GABRB2: variants seen among roughly 807,000 people sequenced by gnomAD.
GABRB2 encodes gamma-aminobutyric acid type A receptor subunit beta2, also known as gamma-aminobutyric acid receptor subunit beta-2.
In GABRB2, 16 loss-of-function variants were observed where a neutral mutation model predicts 54.7. The observed-to-expected ratio is 0.29, with a 90% CI of 0.20 to 0.44. The LOEUF (loss-of-function observed/expected upper bound fraction) is 0.44. Among genes scored for constraint, GABRB2 ranks in the 20% least tolerant of loss-of-function variants. The pLI is 1.00. For missense variants in GABRB2, 355 were observed against 644.0 expected (o/e 0.55, Z 4.86); for synonymous variants, 244 against 233.8 (o/e 1.04, Z -0.40).
At chr5:161,301,214 T>C (rs1757528284) in intron 9 of GABRB2, among the ~76,000 whole-genome samples, 1 of 152,166 alleles carries the variant, frequency 6.6e-6, no homozygotes, top group Non-Finnish European at 1.5e-5. Flanking sequence ...GAGTTCTGTC[T>C]TGGTGTGCCT....
At chr5:161,483,271 T>G (rs1392878597) in intron 3 of GABRB2, among the ~76,000 whole-genome samples, 2 of 152,056 alleles carry the variant, frequency 1.3e-5, no homozygotes, top group Non-Finnish European at 2.9e-5. Flanking sequence ...TTCCTCCATT[T>G]GTTCTTATTT....
intron 3 of GABRB2, among the ~76,000 whole-genome samples, chr5:161,536,240 C>A (rs546929470): frequency 2.0e-5 from 3 of 151,736 alleles, no homozygotes; most frequent in African/African-American, 4.8e-5. Context: ...GAGCGCTGTA[C>A]GAAAGTTCAG....
intron 5 of GABRB2, among the ~76,000 whole-genome samples, chr5:161,346,702 G>C (rs563803025): frequency 6.6e-6 from 1 of 152,090 alleles, no homozygotes; most frequent in African/African-American, 2.4e-5. Flanking sequence ...TACTGTTAGC[G>C]TGTATCTTGA....
chr5:161,310,663 GCACGCGCA>G, intron 9 of GABRB2, among the ~76,000 whole-genome samples: 1 of 134,696 alleles, frequency 7.4e-6, no homozygotes, highest in Non-Finnish European at 1.5e-5. Context: ...ACATGCACAC[GCACGCGCA>G]CGCGCGCACA....
At position 161,289,696 on chromosome 5, in the gene GABRB2, C is replaced by G. The variant is rs987445752; in HGVS notation, c.*4385G>C. On this transcript the variant is annotated 3_prime_UTR_variant, in exon 10 of 10. Transcript: ENST00000393959. ...TCCCAATTGCCATTTCAAAGGCTAT[C>G]TCTTGTTTGTTATATTGACTACATA... 6.6e-6 allele frequency: 1 copy of G among 151,968 alleles called. No individual in the cohort carries two copies. The highest frequency in any genetic ancestry group is 1.5e-5 in the Non-Finnish European group (1 of 67,978). The allele number at this position is 151,968 out of a possible 1,614,324, so 9.4% of individuals were successfully genotyped here.
chr5:161,385,947 G>GGT (rs70990781), intron 5 of GABRB2, among the ~76,000 whole-genome samples: 12,968 of 93,238 alleles, frequency 0.14, 796 homozygotes, highest in South Asian at 0.22. Context: ...CCTATTGTCT[G>GGT]GTGTGTGTGT....
At chr5:161,498,382 T>C (rs761571224) in intron 3 of GABRB2, among the ~76,000 whole-genome samples, 15 of 151,926 alleles carry the variant, frequency 9.9e-5, no homozygotes, top group Non-Finnish European at 1.8e-4. Context: ...TAAAATGGCA[T>C]AATGCATTTC....
At chr5:161,375,465 C>T (rs1755266589) in intron 5 of GABRB2, among the ~76,000 whole-genome samples, 1 of 152,148 alleles carries the variant, frequency 6.6e-6, no homozygotes, top group African/African-American at 2.4e-5. Flanking sequence ...CTCTGCATTT[C>T]CTACTTCTCT....
At chr5:161,485,661 T>C (rs1055853382) in intron 3 of GABRB2, among the ~76,000 whole-genome samples, 2 of 151,924 alleles carry the variant, frequency 1.3e-5, no homozygotes, top group African/African-American at 4.8e-5. Context: ...GTCATTCAGA[T>C]GGTACTGACC....
At chr5:161,532,426 C>T (rs922222575) in intron 3 of GABRB2, among the ~76,000 whole-genome samples, 4 of 152,172 alleles carry the variant, frequency 2.6e-5, no homozygotes, top group African/African-American at 9.6e-5. Context: ...CCTAAAACAG[C>T]GATCCTCCCA....
At chr5:161,313,592 T>A (rs551821224) in intron 9 of GABRB2, among the ~76,000 whole-genome samples, 2 of 151,804 alleles carry the variant, frequency 1.3e-5, no homozygotes, top group Non-Finnish European at 2.9e-5. Flanking sequence ...GAAATAGATC[T>A]TAGGAAAATG....
rs202028432 is a variant in GABRB2 at position 161,546,432 on chromosome 5, A to G, written c.78-19T>C. ...ATTGACACTAAAGAAAGAAATGACAATAAGCAGGCATCAATAAGGAAGCAG... is the reference window on the plus strand; with the variant it reads ...ATTGACACTAAAGAAAGAAATGACAGTAAGCAGGCATCAATAAGGAAGCAG... On this transcript the variant is annotated intron_variant, in intron 1 of 9. Coordinates refer to ENST00000393959, the MANE Select transcript of GABRB2 (RefSeq NM_001371727.1). The G allele has an allele frequency of 8.1e-6, 13 of 1,605,838 alleles. No individual in the cohort carries two copies. The African/African-American group carries it at 1.3e-4, about 16-fold the overall frequency.
intron 7 of GABRB2, among the ~76,000 whole-genome samples, chr5:161,333,888 C>A (rs1230043063): frequency 6.6e-6 from 1 of 152,132 alleles, no homozygotes; most frequent in Admixed American, 6.5e-5. Flanking sequence ...TGCTTTATAT[C>A]CCTCTATAGA....
At chr5:161,513,595 T>C (rs1375202388) in intron 3 of GABRB2, among the ~76,000 whole-genome samples, 1 of 151,910 alleles carries the variant, frequency 6.6e-6, no homozygotes, top group Non-Finnish European at 1.5e-5. Context: ...CTCATGGACA[T>C]ACAGATGGCA....
intron 5 of GABRB2, among the ~76,000 whole-genome samples, chr5:161,404,349 GC>G (rs2113092011): frequency 6.6e-6 from 1 of 152,110 alleles, no homozygotes; most frequent in African/African-American, 2.4e-5. Context: ...AGTGTGCTTT[GC>G]TTTTTTTTCA....
At chr5:161,374,136 G>T (rs1755214970) in intron 5 of GABRB2, among the ~76,000 whole-genome samples, 1 of 151,990 alleles carries the variant, frequency 6.6e-6, no homozygotes, top group East Asian at 1.9e-4. Context: ...TAGAGACGGG[G>T]TTTCTCCATG....
rs531018946 is a variant in GABRB2 at position 161,445,125 on chromosome 5, G to T, written c.458+14499C>A. On this transcript the variant is annotated intron_variant, in intron 4 of 9. Coordinates refer to ENST00000393959, the MANE Select transcript of GABRB2 (RefSeq NM_001371727.1). ...GATGTGCACTCCTCAAGATGCTGGGGTATAAACAGTTGGGGAAAAAGCAGA... is the reference window on the plus strand; with the variant it reads ...GATGTGCACTCCTCAAGATGCTGGGTTATAAACAGTTGGGGAAAAAGCAGA... Among the ~76,000 whole-genome samples the T allele has an allele frequency of 3.9e-5, 6 of 152,236 alleles. No homozygotes were observed. In the East Asian group the frequency reaches 9.7e-4, roughly 24 times the overall value.
At chr5:161,344,545 A>G (rs1754262578) in intron 5 of GABRB2, among the ~76,000 whole-genome samples, 1 of 152,030 alleles carries the variant, frequency 6.6e-6, no homozygotes, top group Non-Finnish European at 1.5e-5. Context: ...ATGGGAAACA[A>G]CAGATGCTGG....
rs189626372 is a variant in GABRB2 at position 161,537,635 on chromosome 5, T to C, written c.237+7592A>G. On this transcript the variant is annotated intron_variant, in intron 3 of 9. Coordinates refer to ENST00000393959, the MANE Select transcript of GABRB2 (RefSeq NM_001371727.1). The stretch of plus-strand genomic sequence containing the variant: ...CTTCCTGAAATTTTGCAGTAGGTTT[T>C]CAACTCATCTTCCAACGTTAAATTT... Among the ~76,000 whole-genome samples the C allele has an allele frequency of 1.4e-3, 214 of 152,334 alleles. 1 individual carries two copies. The highest frequency in any genetic ancestry group is 1.3e-3 in the Non-Finnish European group (91 of 68,028).
Sources: allele counts gnomAD v4.1 joint callset (sites outside exome capture counted in the v4.1 genomes callset), GRCh38; gene constraint gnomAD v4.1.1; transcripts MANE v1.5; gene names NCBI Gene and HGNC (gene_info 2026-07-23, HGNC 2026-07-21).